Variants in PLPPR1 observed in about 807,000 individuals in gnomAD.
The protein encoded by PLPPR1 is phospholipid phosphatase-related protein type 1.
In PLPPR1, 10 loss-of-function variants were observed where a neutral mutation model predicts 33.1. The observed-to-expected ratio is 0.30, with a 90% CI of 0.19 to 0.51. PLPPR1 has a LOEUF of 0.51. PLPPR1 is among the 20% of genes least tolerant of loss of function. The probability of loss-of-function intolerance (pLI) is 0.97; values close to 1 mark genes in which losing one functional copy is unlikely to be tolerated. For synonymous variants in PLPPR1, 151 were observed against 151.0 expected, an observed-to-expected ratio of 1.00 and a Z score of 0.00; for missense variants, 304 against 408.1, an observed-to-expected ratio of 0.74 and a Z score of 2.20.
At chr9:101,166,763 C>CA (rs1444538686) in intron 1 of PLPPR1, among the ~76,000 whole-genome samples, 2 of 152,052 alleles carry the variant, frequency 1.3e-5, no homozygotes, top group African/African-American at 4.8e-5. Flanking sequence ...GATTAATGAG[C>CA]AAAAATTTCA....
At chr9:101,113,662 C>A (rs913168637) in intron 1 of PLPPR1, among the ~76,000 whole-genome samples, 4 of 151,542 alleles carry the variant, frequency 2.6e-5, no homozygotes, top group African/African-American at 9.7e-5. Flanking sequence ...ACAAAAAAAC[C>A]AAAAAACAGT....
chr9:101,180,353 A>C (rs1161947659), intron 1 of PLPPR1, among the ~76,000 whole-genome samples: 1 of 151,322 alleles, frequency 6.6e-6, no homozygotes, highest in Admixed American at 6.6e-5. Context: ...ATCCCTACCA[A>C]AATTCCAATG....
intron 2 of PLPPR1, among the ~76,000 whole-genome samples, chr9:101,230,729 G>A (rs1273089531): frequency 6.6e-6 from 1 of 151,804 alleles, no homozygotes; most frequent in Non-Finnish European, 1.5e-5. Context: ...AACCCATCGT[G>A]GGCTAAAGTG....
chr9:101,236,457 A>G (rs1157873549), intron 2 of PLPPR1, among the ~76,000 whole-genome samples: 1 of 151,624 alleles, frequency 6.6e-6, no homozygotes, highest in African/African-American at 2.4e-5. Flanking sequence ...ATAAATGTGG[A>G]CCAAAGGACA....
chr9:101,272,839 AT>A (rs1399078186), intron 3 of PLPPR1, among the ~76,000 whole-genome samples: 2 of 152,286 alleles, frequency 1.3e-5, no homozygotes, highest in Admixed American at 1.3e-4. Flanking sequence ...ATAAACCAAT[AT>A]TTTCTTTCTG....
intron 3 of PLPPR1, among the ~76,000 whole-genome samples, chr9:101,284,572 A>G (rs554079500): frequency 9.8e-5 from 15 of 152,346 alleles, no homozygotes; most frequent in Admixed American, 5.9e-4. Context: ...AGATTTATTA[A>G]CATCACAGTG....
intron 2 of PLPPR1, among the ~76,000 whole-genome samples, chr9:101,245,387 A>C (rs1320226504): frequency 6.6e-6 from 1 of 152,056 alleles, no homozygotes; most frequent in African/African-American, 2.4e-5. Context: ...TTAGGTAAAC[A>C]TACAATGTTC....
intron 2 of PLPPR1, among the ~76,000 whole-genome samples, chr9:101,214,914 T>G (rs936717447): frequency 1.3e-5 from 2 of 151,364 alleles, no homozygotes; most frequent in African/African-American, 4.9e-5. Context: ...TCCCAGCTAC[T>G]CAGGAGGCTG....
At chr9:101,292,921 A>AT (rs1828542715) in intron 4 of PLPPR1, among the ~76,000 whole-genome samples, 1 of 151,950 alleles carries the variant, frequency 6.6e-6, no homozygotes, top group Non-Finnish European at 1.5e-5. Context: ...ACCAGCTAAC[A>AT]TCATAATGAC....
chr9:101,114,956 G>T (rs1831101430), intron 1 of PLPPR1, among the ~76,000 whole-genome samples: 1 of 152,104 alleles, frequency 6.6e-6, no homozygotes, highest in Non-Finnish European at 1.5e-5. Flanking sequence ...TGGTGGAGAG[G>T]TCTCCTTTTT....
At chr9:101,258,850 T>C (rs1012258793) in intron 2 of PLPPR1, among the ~76,000 whole-genome samples, 3 of 152,168 alleles carry the variant, frequency 2.0e-5, no homozygotes, top group African/African-American at 7.2e-5. Flanking sequence ...TTTATATTTA[T>C]CCCAAATGTC....
chr9:101,112,833 G>C (rs1564148273), intron 1 of PLPPR1, among the ~76,000 whole-genome samples: 1 of 152,200 alleles, frequency 6.6e-6, no homozygotes, highest in African/African-American at 2.4e-5. Context: ...GCACTTGCTT[G>C]TTTGTTTGTT....
intron 1 of PLPPR1, among the ~76,000 whole-genome samples, chr9:101,031,252 G>A (rs536080619): frequency 6.6e-6 from 1 of 152,170 alleles, no homozygotes; most frequent in Non-Finnish European, 1.5e-5. Context: ...TATTTGCTTT[G>A]TTACTATATA....
At chr9:101,222,716 G>A (rs1197488666) in intron 2 of PLPPR1, among the ~76,000 whole-genome samples, 1 of 152,148 alleles carries the variant, frequency 6.6e-6, no homozygotes, top group Non-Finnish European at 1.5e-5. Flanking sequence ...GCTGTTGGTG[G>A]CAAGTCTCTC....
At chr9:101,058,621 A>G (rs894428315) in intron 1 of PLPPR1, among the ~76,000 whole-genome samples, 1 of 152,156 alleles carries the variant, frequency 6.6e-6, no homozygotes, top group South Asian at 2.1e-4. Context: ...AGCATTTTGT[A>G]CTTCATAATG....
chr9:101,067,578 A>G (rs1350146593), intron 1 of PLPPR1, among the ~76,000 whole-genome samples: 1 of 152,122 alleles, frequency 6.6e-6, no homozygotes, highest in Non-Finnish European at 1.5e-5. Flanking sequence ...AACTCTTGAA[A>G]GAACAGAGGA....
intron 1 of PLPPR1, among the ~76,000 whole-genome samples, chr9:101,119,781 C>T (rs909141521): frequency 1.3e-5 from 2 of 152,202 alleles, no homozygotes; most frequent in African/African-American, 2.4e-5. Context: ...GCCCCTCTAT[C>T]TAGCTTAGAG....
intron 6 of PLPPR1, among the ~76,000 whole-genome samples, chr9:101,313,487 C>T (rs1391764714): frequency 6.6e-6 from 1 of 152,178 alleles, no homozygotes; most frequent in Non-Finnish European, 1.5e-5. Context: ...TCACACCCGC[C>T]CTTTTTAGTG....
chr9:101,244,083 C>T (rs1233187052), intron 2 of PLPPR1, among the ~76,000 whole-genome samples: 1 of 151,768 alleles, frequency 6.6e-6, no homozygotes, highest in Non-Finnish European at 1.5e-5. Flanking sequence ...ATGGAGTGAA[C>T]AGGAGTGTCA....
Sources: allele counts gnomAD v4.1 joint callset (sites outside exome capture counted in the v4.1 genomes callset), GRCh38; gene constraint gnomAD v4.1.1; transcripts MANE v1.5; gene names NCBI Gene and HGNC (gene_info 2026-07-23, HGNC 2026-07-21).